Variants in AGBL1 observed in about 807,000 individuals in gnomAD.
AGBL1 encodes AGBL carboxypeptidase 1.
AGBL1 carries 130 observed loss-of-function variants against 118.9 expected under a neutral mutation model. That is an observed-to-expected ratio of 1.09 (90% CI 0.95 to 1.26). The LOEUF (loss-of-function observed/expected upper bound fraction) is 1.26, where lower values mean the gene tolerates loss of function less well. Among genes scored for constraint, AGBL1 ranks in the 50% most tolerant of loss-of-function variants. AGBL1 has a pLI of 0.00. For synonymous variants in AGBL1, 555 were observed against 478.9 expected, an observed-to-expected ratio of 1.16 and a Z score of -2.08; for missense variants, 1,584 against 1,298.1, an observed-to-expected ratio of 1.22 and a Z score of -3.38.
At chr15:86,695,790 G>T (rs914053182) in intron 22 of AGBL1, among the ~76,000 whole-genome samples, 2 of 151,840 alleles carry the variant, frequency 1.3e-5, no homozygotes, top group African/African-American at 4.8e-5. Context: ...TTAATGGGTT[G>T]TGTCACTATT....
At chr15:86,952,676 T>C (rs1176250159) in intron 23 of AGBL1, among the ~76,000 whole-genome samples, 1 of 152,172 alleles carries the variant, frequency 6.6e-6, no homozygotes, top group Non-Finnish European at 1.5e-5. Flanking sequence ...TGAGAAGTTA[T>C]TTAATTTAAT....
At chr15:86,176,735 A>G (rs1361026845) in intron 5 of AGBL1, among the ~76,000 whole-genome samples, 1 of 151,852 alleles carries the variant, frequency 6.6e-6, no homozygotes, top group Non-Finnish European at 1.5e-5. Context: ...GGGTCTGGGG[A>G]GTGTGTGGGA....
At chr15:86,130,341 A>T (rs1452296627) in intron 1 of AGBL1, among the ~76,000 whole-genome samples, 1 of 151,952 alleles carries the variant, frequency 6.6e-6, no homozygotes, top group African/African-American at 2.4e-5. Flanking sequence ...TTATTATTAT[A>T]CGTTAAGCAT....
intron 22 of AGBL1, among the ~76,000 whole-genome samples, chr15:86,748,788 T>G (rs1274017393): frequency 6.6e-6 from 1 of 152,042 alleles, no homozygotes; most frequent in Non-Finnish European, 1.5e-5. Context: ...ATATCTTGTT[T>G]TTGTCAGGTA....
At chr15:86,610,841 T>A (rs1427974105) in intron 21 of AGBL1, among the ~76,000 whole-genome samples, 2 of 152,162 alleles carry the variant, frequency 1.3e-5, no homozygotes, top group African/African-American at 4.8e-5. Flanking sequence ...CATAAAGTAT[T>A]TGTAGAGGTC....
chr15:86,554,904 C>G (rs2083711690), intron 21 of AGBL1, among the ~76,000 whole-genome samples: 1 of 152,142 alleles, frequency 6.6e-6, no homozygotes, highest in South Asian at 2.1e-4. Context: ...CTATGTACAT[C>G]ATAAAGGGCA....
intron 18 of AGBL1, among the ~76,000 whole-genome samples, chr15:86,485,944 A>G (rs1015859934): frequency 1.1e-4 from 16 of 151,904 alleles, no homozygotes; most frequent in African/African-American, 3.1e-4. Context: ...TTTAAACCCA[A>G]TACATTAGAC....
chr15:86,587,284 T>G (rs1398033437), intron 21 of AGBL1, among the ~76,000 whole-genome samples: 1 of 152,198 alleles, frequency 6.6e-6, no homozygotes, highest in Admixed American at 6.5e-5. Flanking sequence ...TAAGTTGGGT[T>G]GCTGTCTCTT....
At chr15:86,602,930 G>T (rs532237725) in intron 21 of AGBL1, among the ~76,000 whole-genome samples, 3 of 152,256 alleles carry the variant, frequency 2.0e-5, no homozygotes, top group Admixed American at 2.0e-4. Flanking sequence ...ATTCATAATA[G>T]TGACACCTCT....
intron 22 of AGBL1, among the ~76,000 whole-genome samples, chr15:86,767,180 GC>G (rs1170964753): frequency 6.6e-6 from 1 of 151,898 alleles, no homozygotes; most frequent in Non-Finnish European, 1.5e-5. Flanking sequence ...TTTAAAGAAT[GC>G]AATACTGCTC....
At chr15:86,519,735 A>G (rs569521126) in intron 18 of AGBL1, among the ~76,000 whole-genome samples, 62 of 152,192 alleles carry the variant, frequency 4.1e-4, no homozygotes, top group Non-Finnish European at 8.2e-4. Flanking sequence ...CACACAACCT[A>G]TCTACACAAA....
rs149638956 is a variant in AGBL1, at chr15:86,978,441, C to T, written c.3222-9546C>T. ...CAACGAAGATTTAGACAAATAGCTT[C>T]TGGGAAATGTCTATGAGCTGCAGAG... On this transcript the variant is annotated intron_variant, in intron 23 of 24. Coordinates refer to the AGBL1 transcript ENST00000441037. Among the ~76,000 whole-genome samples, 577 of 152,272 alleles carry T rather than the reference C, an allele frequency of 3.8e-3. 1 individual carries two copies. The highest frequency in any genetic ancestry group is 6.3e-3 in the Non-Finnish European group (428 of 68,022).
rs921022932 is a variant in AGBL1, at chr15:86,457,490, G to A, written c.2555+59944G>A. Among the ~76,000 whole-genome samples the A allele has an allele frequency of 8.5e-5, 13 of 152,246 alleles. 1 individual carries two copies. The South Asian group carries it at 1.7e-3, about 19-fold the overall frequency. ...CCGGAGAATACTTGACATTAAGAGT[G>A]ATCGTAATAAAGTTTTGTCTTAATC... On this transcript the variant is annotated intron_variant, in intron 18 of 22. Coordinates refer to ENST00000614907, the MANE Select transcript of AGBL1 (RefSeq NM_001386094.1).
rs60818747 is a variant in AGBL1 at position 87,019,479 on chromosome 15, T to C, written c.3324-9346T>C. Among the ~76,000 whole-genome samples the C allele has an allele frequency of 7.7e-3, 1,175 of 152,054 alleles. 19 individuals carry two copies. The highest frequency in any genetic ancestry group is 0.027 in the African/African-American group (1,112 of 41,532). ...CAAGATTAAGAAATTCACTTAAAACTATATAACTACATGGAAATTGAACAA... is the reference window on the plus strand; with the variant it reads ...CAAGATTAAGAAATTCACTTAAAACCATATAACTACATGGAAATTGAACAA... On this transcript the variant is annotated intron_variant, in intron 24 of 24. Transcript: ENST00000441037.
rs1032688232 is a variant in AGBL1 at position 86,615,175 on chromosome 15, A to C, written c.2995-59098A>C. Reference sequence around the variant, plus strand: ...ATCTAAAAATGAGAGTAATTCTAGCAGATTTGCCTTCCAGATGCCTCTGCC... The same window carrying C: ...ATCTAAAAATGAGAGTAATTCTAGCCGATTTGCCTTCCAGATGCCTCTGCC... On this transcript the variant is annotated intron_variant, in intron 21 of 22. Transcript: ENST00000614907. The surrounding 1 kb of genome is among the most constrained non-coding windows in gnomAD (Gnocchi z 4.3). 2.0e-5 allele frequency among the ~76,000 whole-genome samples: 3 copies of C among 152,222 alleles called. No homozygotes were observed. Among genetic ancestry groups the C allele is most frequent in the Admixed American group, 2.0e-4 (3 of 15,276 alleles).
chr15:86,290,343 CT>C (rs559169172), intron 16 of AGBL1, among the ~76,000 whole-genome samples: 4,574 of 134,296 alleles, frequency 0.034, 147 homozygotes, highest in Admixed American at 0.089. Context: ...TCTTTTCTTT[CT>C]TTTTTTTTTT....
chr15:86,856,115 G>C (rs1247378272), intron 22 of AGBL1, among the ~76,000 whole-genome samples: 1 of 152,152 alleles, frequency 6.6e-6, no homozygotes, highest in African/African-American at 2.4e-5. Flanking sequence ...TCCGCAAAGG[G>C]GTGGACAGCA....
At chr15:86,090,429 A>G (rs1328398290) in intron 1 of AGBL1, among the ~76,000 whole-genome samples, 2 of 152,212 alleles carry the variant, frequency 1.3e-5, no homozygotes, top group Non-Finnish European at 2.9e-5. Context: ...TTAGATGTTT[A>G]TATACATATA....
Position 86,761,735 on chromosome 15 carries a change from T to C in AGBL1, c.3158+87299T>C, listed in dbSNP as rs1036417832. On this transcript the variant is annotated intron_variant, in intron 22 of 22. Transcript: ENST00000614907. ...CCTTGTAGATTCTGGTTATTAGACCTTTGTCAAATGGATAGATTGCAATAT... is the reference window on the plus strand; with the variant it reads ...CCTTGTAGATTCTGGTTATTAGACCCTTGTCAAATGGATAGATTGCAATAT... Among the ~76,000 whole-genome samples, 3 of 152,250 alleles carry C rather than the reference T, an allele frequency of 2.0e-5. 1 individual carries two copies. Among genetic ancestry groups the C allele is most frequent in the African/African-American group, 7.2e-5 (3 of 41,574 alleles).
Sources: gnomAD v4.1 joint callset for allele counts (sites outside exome capture counted in the v4.1 genomes callset) on GRCh38, gnomAD v4.1.1 for gene constraint, Gnocchi (gnomAD v3.1) non-coding constraint, MANE v1.5 for transcripts, NCBI Gene and HGNC (gene_info 2026-07-23, HGNC 2026-07-21) for gene names.